The following DPYSL3 variants were observed in gnomAD, a reference collection of about 807,000 sequenced individuals.
The protein encoded by DPYSL3 is dihydropyrimidinase like 3, also known as dihydropyrimidinase-related protein 3.
A neutral mutation model predicts 66.1 loss-of-function variants in DPYSL3; 16 were observed. That is an observed-to-expected ratio of 0.24 (90% CI 0.16 to 0.37). The LOEUF (loss-of-function observed/expected upper bound fraction) is 0.37. Among genes scored for constraint, DPYSL3 ranks in the 10% least tolerant of loss-of-function variants. The pLI, the probability that DPYSL3 is intolerant of heterozygous loss-of-function variation, is 1.00. For synonymous variants in DPYSL3, 338 were observed against 345.1 expected, an observed-to-expected ratio of 0.98 and a Z score of 0.23; for missense variants, 738 against 916.2, an observed-to-expected ratio of 0.81 and a Z score of 2.51.
chr5:147,453,393 T>C (rs1752775328), intron 1 of DPYSL3, among the ~76,000 whole-genome samples: 1 of 152,140 alleles, frequency 6.6e-6, no homozygotes, highest in African/African-American at 2.4e-5. Flanking sequence ...TGGCGCCGGC[T>C]GGACTGACCG....
At chr5:147,495,065 T>C (rs1192312853) in intron 1 of DPYSL3, among the ~76,000 whole-genome samples, 1 of 151,986 alleles carries the variant, frequency 6.6e-6, no homozygotes, top group Non-Finnish European at 1.5e-5. Flanking sequence ...AATCAATAAT[T>C]ACCTTCCAAA....
chr5:147,418,217 A>T (rs906882923), intron 3 of DPYSL3, among the ~76,000 whole-genome samples: 1 of 152,204 alleles, frequency 6.6e-6, no homozygotes, highest in East Asian at 1.9e-4. Flanking sequence ...GCTAAGGTAG[A>T]CAAGAGGGCA....
chr5:147,490,976 G>C (rs533025079), intron 1 of DPYSL3, among the ~76,000 whole-genome samples: 1 of 152,192 alleles, frequency 6.6e-6, no homozygotes, highest in Non-Finnish European at 1.5e-5. Flanking sequence ...TTCTGTCAGG[G>C]AGAGGAGAGA....
intron 1 of DPYSL3, among the ~76,000 whole-genome samples, chr5:147,498,686 C>T (rs938086723): frequency 6.6e-6 from 1 of 152,012 alleles, no homozygotes; most frequent in African/African-American, 2.4e-5. Flanking sequence ...TCTCTAATGA[C>T]CAGTGATGTT....
At chr5:147,405,538 A>G in intron 8 of DPYSL3, 72 bp downstream of exon 8, 1 of 1,529,446 alleles carries the variant, frequency 6.5e-7, no homozygotes, top group Non-Finnish European at 8.8e-7. Flanking sequence ...TTTATATTAC[A>G]CAGGACAACC....
intron 1 of DPYSL3, among the ~76,000 whole-genome samples, chr5:147,469,232 C>T (rs1476951143): frequency 6.6e-6 from 1 of 152,214 alleles, no homozygotes; most frequent in Admixed American, 6.5e-5. Context: ...TATCAATACA[C>T]CTCCTTGACT....
intron 1 of DPYSL3, among the ~76,000 whole-genome samples, chr5:147,445,911 AT>A (rs1752622271): frequency 1.3e-5 from 2 of 152,220 alleles, no homozygotes; most frequent in Non-Finnish European, 2.9e-5. Flanking sequence ...CTCAGTCATC[AT>A]TATTCCATTT....
At chr5:147,451,559 C>G (rs1321547082) in intron 1 of DPYSL3, among the ~76,000 whole-genome samples, 1 of 152,154 alleles carries the variant, frequency 6.6e-6, no homozygotes, top group African/African-American at 2.4e-5. Flanking sequence ...TAAATGATAC[C>G]TAGAAGAATG....
intron 1 of DPYSL3, among the ~76,000 whole-genome samples, chr5:147,450,058 C>G (rs1038131627): frequency 1.3e-5 from 2 of 152,086 alleles, no homozygotes; most frequent in Admixed American, 1.3e-4. Context: ...GAGGCAGAGG[C>G]GGAGACACCA....
intron 2 of DPYSL3, among the ~76,000 whole-genome samples, chr5:147,419,954 C>T (rs533818156): frequency 1.3e-5 from 2 of 152,270 alleles, no homozygotes; most frequent in African/African-American, 2.4e-5. Flanking sequence ...TGAAGAGTTG[C>T]CTGGCTTGTG....
At chr5:147,498,009 G>A (rs771811948) in intron 1 of DPYSL3, among the ~76,000 whole-genome samples, 4 of 151,614 alleles carry the variant, frequency 2.6e-5, no homozygotes, top group African/African-American at 4.8e-5. Context: ...CTTGTGTCAC[G>A]GGAGTTTGTT....
intron 1 of DPYSL3, among the ~76,000 whole-genome samples, chr5:147,441,788 C>T (rs1000314142): frequency 6.6e-6 from 1 of 152,126 alleles, no homozygotes; most frequent in Middle Eastern, 3.2e-3. Context: ...CTGCCCCTAG[C>T]CAAGCAAGGC....
At chr5:147,451,444 A>C (rs191919330) in intron 1 of DPYSL3, among the ~76,000 whole-genome samples, 72 of 152,346 alleles carry the variant, frequency 4.7e-4, no homozygotes, top group Middle Eastern at 6.8e-3. Context: ...ACAAAAGGGA[A>C]TCCACTGCAA....
intron 2 of DPYSL3, among the ~76,000 whole-genome samples, chr5:147,424,215 G>A (rs1192243028): frequency 6.6e-6 from 1 of 152,178 alleles, no homozygotes; most frequent in Non-Finnish European, 1.5e-5. Context: ...AAAGAGGCCA[G>A]ACAGGGCTAA....
intron 12 of DPYSL3, 80 bp downstream of exon 12, chr5:147,397,586 C>T (rs1357828095): frequency 7.0e-7 from 1 of 1,422,954 alleles, no homozygotes; most frequent in East Asian, 2.3e-5. Context: ...ATCACAGTGC[C>T]CTGTGTTCAT....
intron 3 of DPYSL3, 66 bp downstream of exon 3, chr5:147,418,381 G>T: frequency 1.4e-6 from 2 of 1,455,604 alleles, no homozygotes; most frequent in Non-Finnish European, 9.3e-7. Flanking sequence ...AGAGAGTTCT[G>T]GAGATAACAC....
chr5:147,408,608 A>C (rs1291970389), intron 7 of DPYSL3, 120 bp downstream of exon 7: 1 of 1,042,324 alleles, frequency 9.6e-7, no homozygotes, highest in Non-Finnish European at 1.5e-6. Flanking sequence ...AGTTAGAGTC[A>C]ATCAGAAGTG....
At chr5:147,467,320 G>A (rs1753024996) in intron 1 of DPYSL3, among the ~76,000 whole-genome samples, 1 of 152,188 alleles carries the variant, frequency 6.6e-6, no homozygotes, top group African/African-American at 2.4e-5. Context: ...CAGGTCTTAT[G>A]AAACAGAAAA....
chr5:147,479,941 C>T (rs1186022038), intron 1 of DPYSL3, among the ~76,000 whole-genome samples: 3 of 152,110 alleles, frequency 2.0e-5, no homozygotes, highest in East Asian at 3.9e-4. Context: ...AGGTATTATC[C>T]CCATTGTACA....
Sources: allele counts gnomAD v4.1 joint callset (sites outside exome capture counted in the v4.1 genomes callset), GRCh38; gene constraint gnomAD v4.1.1; transcripts MANE v1.5; gene names NCBI Gene and HGNC (gene_info 2026-07-23, HGNC 2026-07-21).